Variants in SLC2A13 observed in about 807,000 individuals in gnomAD.
The protein encoded by SLC2A13 is solute carrier family 2 member 13.
SLC2A13 carries 32 observed loss-of-function variants against 64.4 expected under a neutral mutation model. The observed-to-expected ratio is 0.50, with a 90% confidence interval of 0.37 to 0.67. The LOEUF is 0.67. Among genes scored for constraint, SLC2A13 ranks in the 30% least tolerant of loss-of-function variants. The pLI, the probability that SLC2A13 is intolerant of heterozygous loss-of-function variation, is 0.00. For missense variants in SLC2A13, 743 were observed against 829.2 expected, an observed-to-expected ratio of 0.90 and a Z score of 1.28; for synonymous variants, 338 against 327.1, an observed-to-expected ratio of 1.03 and a Z score of -0.36.
intron 3 of SLC2A13, among the ~76,000 whole-genome samples, chr12:39,961,794 C>T (rs1008765373): frequency 1.3e-5 from 2 of 151,968 alleles, no homozygotes; most frequent in African/African-American, 4.8e-5. Flanking sequence ...AGCCGCCACA[C>T]TCGGCCTTTC....
chr12:39,978,382 G>T lies in SLC2A13; in HGVS notation c.926-27017C>A, dbSNP rs540260824. 3.9e-5 allele frequency among the ~76,000 whole-genome samples: 6 copies of T among 152,144 alleles called. 1 individual carries two copies. Among genetic ancestry groups the T allele is most frequent in the African/African-American group, 4.8e-5 (2 of 41,444 alleles). On this transcript the variant is annotated intron_variant, in intron 3 of 9. Coordinates refer to ENST00000280871, the MANE Select transcript of SLC2A13 (RefSeq NM_052885.4). The stretch of plus-strand genomic sequence containing the variant: ...TCCCAGCGTAAGCGATGCAGAAGAC[G>T]GGTGATTTCTGCATTTACATCTGAG...
At chr12:40,044,028 T>A (rs563023599) in intron 2 of SLC2A13, among the ~76,000 whole-genome samples, 40 of 152,298 alleles carry the variant, frequency 2.6e-4, no homozygotes, top group Non-Finnish European at 4.6e-4. Context: ...ATGTCTATCC[T>A]AAAATTTGTA....
chr12:40,064,128 C>G (rs967981485), intron 1 of SLC2A13, among the ~76,000 whole-genome samples: 1 of 151,976 alleles, frequency 6.6e-6, no homozygotes, highest in African/African-American at 2.4e-5. Context: ...ACCTGTGATC[C>G]CAGCTACTCA....
At chr12:40,103,542 G>C (rs901116562) in intron 1 of SLC2A13, among the ~76,000 whole-genome samples, 1 of 152,110 alleles carries the variant, frequency 6.6e-6, no homozygotes, top group Admixed American at 6.6e-5. Flanking sequence ...TCAATTCGCA[G>C]GTCAGATAAA....
chr12:39,930,028 G>A (rs1020821837), intron 4 of SLC2A13, among the ~76,000 whole-genome samples: 1 of 152,034 alleles, frequency 6.6e-6, no homozygotes, highest in Admixed American at 6.6e-5. Flanking sequence ...GTACTCAGGA[G>A]GCTGAGGCAG....
At chr12:39,795,159 A>T (rs1941533540) in intron 7 of SLC2A13, among the ~76,000 whole-genome samples, 1 of 151,750 alleles carries the variant, frequency 6.6e-6, no homozygotes, top group Non-Finnish European at 1.5e-5. Flanking sequence ...TAAACTTATT[A>T]TCCTAACGTC....
intron 4 of SLC2A13, among the ~76,000 whole-genome samples, chr12:39,896,528 A>G (rs1944909396): frequency 1.4e-5 from 2 of 145,174 alleles, no homozygotes; most frequent in Non-Finnish European, 3.0e-5. Context: ...ATACATGTAT[A>G]CATGTATGTA....
chr12:39,971,244 A>G (rs1946641435), intron 3 of SLC2A13, among the ~76,000 whole-genome samples: 1 of 152,238 alleles, frequency 6.6e-6, no homozygotes, highest in African/African-American at 2.4e-5. Flanking sequence ...CAACAAATTC[A>G]AGATCAAAGT....
intron 1 of SLC2A13, among the ~76,000 whole-genome samples, chr12:40,048,709 C>A (rs955306646): frequency 3.3e-5 from 5 of 152,036 alleles, no homozygotes; most frequent in Admixed American, 6.5e-5. Flanking sequence ...TAATAAATCA[C>A]CTTATTCAAT....
intron 4 of SLC2A13, among the ~76,000 whole-genome samples, chr12:39,934,751 G>A (rs758751886): frequency 2.6e-5 from 4 of 152,214 alleles, no homozygotes; most frequent in Non-Finnish European, 5.9e-5. Context: ...CTGGTACTGA[G>A]TGTTTTTTCA....
At chr12:39,997,761 G>A (rs757668249) in intron 3 of SLC2A13, among the ~76,000 whole-genome samples, 2 of 152,140 alleles carry the variant, frequency 1.3e-5, no homozygotes, top group African/African-American at 4.8e-5. Context: ...AACCTGGGAG[G>A]CGGAGTTTGC....
At chr12:39,896,346 A>G (rs1944873861) in intron 4 of SLC2A13, among the ~76,000 whole-genome samples, 1 of 135,040 alleles carries the variant, frequency 7.4e-6, no homozygotes, top group Non-Finnish European at 1.6e-5. Context: ...GTATACATAT[A>G]TGTATGTATA....
At chr12:39,851,798 T>C (rs1943477647) in intron 6 of SLC2A13, among the ~76,000 whole-genome samples, 1 of 152,208 alleles carries the variant, frequency 6.6e-6, no homozygotes. Context: ...TACTCCTACA[T>C]GGTTTAAAAA....
intron 4 of SLC2A13, among the ~76,000 whole-genome samples, chr12:39,938,921 A>G (rs1378181379): frequency 6.6e-6 from 1 of 152,070 alleles, no homozygotes; most frequent in Non-Finnish European, 1.5e-5. Context: ...TTGTCTCTCT[A>G]CTTGTCTACA....
At chr12:39,891,616 C>A (rs369401140) in intron 4 of SLC2A13, among the ~76,000 whole-genome samples, 22 of 152,246 alleles carry the variant, frequency 1.4e-4, no homozygotes, top group Non-Finnish European at 2.9e-4. Context: ...TAATGAGTAT[C>A]ATTTTCTGCA....
chr12:40,079,241 T>C (rs934902042), intron 1 of SLC2A13, among the ~76,000 whole-genome samples: 1 of 152,222 alleles, frequency 6.6e-6, no homozygotes, highest in Admixed American at 6.5e-5. Flanking sequence ...TCTAACTTGA[T>C]GTAAGCATTT....
chr12:39,830,313 T>C, intron 6 of SLC2A13, 85 bp from the exon 7 acceptor site: 1 of 1,537,024 alleles, frequency 6.5e-7, no homozygotes, highest in Non-Finnish European at 8.7e-7. Flanking sequence ...TCTCTGCATT[T>C]TCCACTCTCT....
intron 3 of SLC2A13, among the ~76,000 whole-genome samples, chr12:39,977,173 G>A (rs188765165): frequency 2.0e-3 from 301 of 152,256 alleles, no homozygotes; most frequent in Non-Finnish European, 3.7e-3. Context: ...AGATTAATCT[G>A]CAGTGCTCCC....
chr12:39,850,675 A>G (rs1031709485), intron 6 of SLC2A13, among the ~76,000 whole-genome samples: 8 of 152,236 alleles, frequency 5.3e-5, no homozygotes, highest in Non-Finnish European at 7.3e-5. Flanking sequence ...CACAACACAT[A>G]ATTGTAAAAC....
Sources: allele counts gnomAD v4.1 joint callset (sites outside exome capture counted in the v4.1 genomes callset), GRCh38; gene constraint gnomAD v4.1.1; transcripts MANE v1.5; gene names NCBI Gene and HGNC (gene_info 2026-07-23, HGNC 2026-07-21).